CADPS: variants seen among roughly 807,000 people sequenced by gnomAD.
CADPS encodes calcium dependent secretion activator, also known as calcium-dependent secretion activator 1.
In CADPS, 57 loss-of-function variants were observed where a neutral mutation model predicts 167.3. The observed-to-expected ratio is 0.34, with a 90% CI of 0.28 to 0.42. CADPS has a LOEUF of 0.42. CADPS is among the 20% of genes least tolerant of loss of function. The probability of loss-of-function intolerance (pLI) is 1.00; values close to 1 mark genes in which losing one functional copy is unlikely to be tolerated. For synonymous variants in CADPS, 676 were observed against 635.3 expected (o/e 1.06, Z -0.96); for missense variants, 1,414 against 1,738.1 (o/e 0.81, Z 3.32).
At chr3:62,727,293 A>G (rs943814581) in intron 3 of CADPS, among the ~76,000 whole-genome samples, 3 of 151,930 alleles carry the variant, frequency 2.0e-5, no homozygotes, top group Non-Finnish European at 4.4e-5. Context: ...TACCTGCAAC[A>G]ATATAAATAA....
chr3:62,469,589 C>T (rs986426678), intron 24 of CADPS: 7 of 153,192 alleles, frequency 4.6e-5, no homozygotes, highest in Non-Finnish European at 8.7e-5. Context: ...CTCACTGCAA[C>T]GTCCACCTGC....
chr3:62,634,842 C>G (rs2065962552), intron 6 of CADPS, among the ~76,000 whole-genome samples: 1 of 152,110 alleles, frequency 6.6e-6, no homozygotes, highest in African/African-American at 2.4e-5. Flanking sequence ...TGTTGTAGCC[C>G]CAGTGCCTCA....
At chr3:62,740,973 C>A (rs1439034976) in intron 3 of CADPS, among the ~76,000 whole-genome samples, 2 of 152,140 alleles carry the variant, frequency 1.3e-5, no homozygotes, top group African/African-American at 2.4e-5. Flanking sequence ...GGATTTTATT[C>A]CTTCAAATTG....
intron 3 of CADPS, among the ~76,000 whole-genome samples, chr3:62,744,390 A>G (rs934309093): frequency 9.2e-5 from 14 of 151,904 alleles, no homozygotes; most frequent in Non-Finnish European, 1.9e-4. Context: ...ACAAAGGGCT[A>G]ACAACAAAAT....
intron 6 of CADPS, among the ~76,000 whole-genome samples, chr3:62,595,900 A>G (rs2058840955): frequency 6.6e-6 from 1 of 152,146 alleles, no homozygotes; most frequent in Admixed American, 6.5e-5. Context: ...AGACTGGCTT[A>G]GCCTTCCAGC....
intron 6 of CADPS, among the ~76,000 whole-genome samples, chr3:62,606,227 T>C (rs2060674682): frequency 3.3e-5 from 5 of 152,198 alleles, no homozygotes; most frequent in African/African-American, 1.2e-4. Context: ...TTGAATATTG[T>C]CCCTTCAAAA....
At chr3:62,484,413 T>A (rs1398992371) in intron 21 of CADPS, among the ~76,000 whole-genome samples, 1 of 152,204 alleles carries the variant, frequency 6.6e-6, no homozygotes, top group Admixed American at 6.5e-5. Flanking sequence ...TAATGAATTA[T>A]TACTTTGAAG....
chr3:62,657,660 C>G (rs1411395078), intron 4 of CADPS, among the ~76,000 whole-genome samples: 2 of 152,188 alleles, frequency 1.3e-5, no homozygotes, highest in Non-Finnish European at 2.9e-5. Context: ...GGCAGCATGA[C>G]TGATGTTCAC....
intron 13 of CADPS, among the ~76,000 whole-genome samples, chr3:62,519,630 T>A (rs966385722): frequency 2.0e-5 from 3 of 152,098 alleles, no homozygotes; most frequent in Admixed American, 6.6e-5. Flanking sequence ...TATTAAAAAA[T>A]TTTTTAAGAG....
chr3:62,661,133 G>C (rs913202024), intron 4 of CADPS, among the ~76,000 whole-genome samples: 1 of 152,190 alleles, frequency 6.6e-6, no homozygotes, highest in Admixed American at 6.5e-5. Flanking sequence ...AGATGGCAGG[G>C]ATAGCAATAA....
At chr3:62,607,646 C>T (rs778109704) in intron 6 of CADPS, among the ~76,000 whole-genome samples, 2 of 152,172 alleles carry the variant, frequency 1.3e-5, no homozygotes, top group Admixed American at 6.5e-5. Context: ...AGCCCCATCC[C>T]GTGAGACCTC....
At chr3:62,751,573 C>T (rs1220410575) in intron 3 of CADPS, among the ~76,000 whole-genome samples, 1 of 152,070 alleles carries the variant, frequency 6.6e-6, no homozygotes, top group Non-Finnish European at 1.5e-5. Flanking sequence ...CAGGCATCCT[C>T]CATCATGCCT....
chr3:62,688,992 C>T (rs35199798), intron 3 of CADPS, among the ~76,000 whole-genome samples: 38 of 151,960 alleles, frequency 2.5e-4, no homozygotes, highest in Non-Finnish European at 4.6e-4. Context: ...ATCTTTCCAG[C>T]GTGTGAATAG....
Position 62,602,571 on chromosome 3 carries a change from A to G in CADPS, c.1326-9823T>C, listed in dbSNP as rs1203284560. ...ATGATATTCCACTCCAAGGGAATCA[A>G]TTGTGCCATCGCAGTGTGTCTCATG... On this transcript the variant is annotated intron_variant, in intron 6 of 29. Coordinates refer to ENST00000383710, the MANE Select transcript of CADPS (RefSeq NM_003716.4). The surrounding 1 kb of genome is among the most constrained non-coding windows in gnomAD (Gnocchi z 4.4). Among the ~76,000 whole-genome samples the G allele has an allele frequency of 6.6e-6, 1 of 152,124 alleles. No homozygotes were observed. The highest frequency in any genetic ancestry group is 1.9e-4 in the East Asian group (1 of 5,192).
chr3:62,528,356 T>C (rs2072815088), intron 13 of CADPS, among the ~76,000 whole-genome samples: 1 of 152,168 alleles, frequency 6.6e-6, no homozygotes, highest in Non-Finnish European at 1.5e-5. Flanking sequence ...ATAACGATAT[T>C]TATCTCACAT....
At chr3:62,629,846 T>A (rs1481006508) in intron 6 of CADPS, among the ~76,000 whole-genome samples, 2 of 152,176 alleles carry the variant, frequency 1.3e-5, no homozygotes, top group Non-Finnish European at 2.9e-5. Flanking sequence ...CTTGCTTTTT[T>A]TCTTCCTTGA....
intron 4 of CADPS, among the ~76,000 whole-genome samples, chr3:62,657,902 T>C (rs1482249865): frequency 6.6e-6 from 1 of 152,122 alleles, no homozygotes; most frequent in African/African-American, 2.4e-5. Flanking sequence ...ACAATATCTT[T>C]TCCAGATTCT....
At chr3:62,439,353 A>G (rs1012694315) in intron 27 of CADPS, 1 of 152,186 alleles carries the variant, frequency 6.6e-6, no homozygotes, top group Non-Finnish European at 1.5e-5. Context: ...ATTATCATGC[A>G]AAGGGCCAAT....
chr3:62,667,327 C>T (rs1255630033), intron 3 of CADPS, among the ~76,000 whole-genome samples: 1 of 151,848 alleles, frequency 6.6e-6, no homozygotes, highest in Non-Finnish European at 1.5e-5. Context: ...GAAATCAGAC[C>T]AGGGTGGGGA....
Sources: allele counts gnomAD v4.1 joint callset (sites outside exome capture counted in the v4.1 genomes callset), GRCh38; gene constraint gnomAD v4.1.1; non-coding constraint Gnocchi (gnomAD v3.1); transcripts MANE v1.5; gene names NCBI Gene and HGNC (gene_info 2026-07-23, HGNC 2026-07-21).